Variants in PALM2AKAP2 observed in about 807,000 individuals in gnomAD.
PALM2AKAP2 encodes PALM2-AKAP2 fusion protein.
In PALM2AKAP2, 37 loss-of-function variants were observed where a neutral mutation model predicts 71.5. The observed-to-expected ratio is 0.52, with a 90% CI of 0.40 to 0.68. PALM2AKAP2 has a LOEUF of 0.68. Among genes scored for constraint, PALM2AKAP2 ranks in the 30% least tolerant of loss-of-function variants. The pLI, the probability that PALM2AKAP2 is intolerant of heterozygous loss-of-function variation, is 0.00. For synonymous variants in PALM2AKAP2, 468 were observed against 478.8 expected (o/e 0.98, Z 0.29); for missense variants, 1,224 against 1,191.8 (o/e 1.03, Z -0.40).
intron 1 of PALM2AKAP2, among the ~76,000 whole-genome samples, chr9:110,087,887 G>A (rs1834610045): frequency 1.3e-5 from 2 of 152,142 alleles, no homozygotes; most frequent in South Asian, 4.1e-4. Context: ...GTGCTGAGAA[G>A]GGAAGAAAGG....
chr9:109,933,048 A>C (rs1239082545), intron 6 of PALM2AKAP2, among the ~76,000 whole-genome samples: 1 of 152,234 alleles, frequency 6.6e-6, no homozygotes, highest in Non-Finnish European at 1.5e-5. Context: ...CCACTGGCTA[A>C]TTTAAATATC....
chr9:110,038,481 A>G (rs1833452330), intron 7 of PALM2AKAP2, among the ~76,000 whole-genome samples: 2 of 152,166 alleles, frequency 1.3e-5, no homozygotes, highest in Admixed American at 1.3e-4. Context: ...GTGAAAGATC[A>G]GGTCGGGTGA....
At chr9:109,971,647 A>G (rs1403428609) in intron 6 of PALM2AKAP2, among the ~76,000 whole-genome samples, 1 of 152,124 alleles carries the variant, frequency 6.6e-6, no homozygotes. Flanking sequence ...GCTGATCTCG[A>G]ACTCCTTACC....
chr9:109,786,978 T>C (rs1826987200), intron 1 of PALM2AKAP2, among the ~76,000 whole-genome samples: 1 of 152,158 alleles, frequency 6.6e-6, no homozygotes, highest in South Asian at 2.1e-4. Context: ...CTGATCCCAT[T>C]TGGGAATGTT....
Position 109,690,008 on chromosome 9 carries a change from T to A in PALM2AKAP2, c.5+49142T>A, listed in dbSNP as rs997430863. Among the ~76,000 whole-genome samples, 95 of 137,520 alleles carry A rather than the reference T, an allele frequency of 6.9e-4. 1 individual carries two copies. The highest frequency in any genetic ancestry group is 2.4e-3 in the African/African-American group (89 of 37,438). 90.2% of individuals were successfully genotyped at this position (137,520 alleles called of 152,430 possible). ...AAGAGACATCAAGAATGGGGAAGAGTTTTTTTTTTTTTTCCTCTTAAACAA... is the reference window on the plus strand; with the variant it reads ...AAGAGACATCAAGAATGGGGAAGAGATTTTTTTTTTTTTCCTCTTAAACAA... On this transcript the variant is annotated intron_variant, in intron 1 of 6. Transcript: ENST00000374531.
Position 109,751,550 on chromosome 9 carries a change from AAT to A in PALM2AKAP2, c.6-28936_6-28935del, listed in dbSNP as rs759504364. On this transcript the variant is annotated intron_variant, in intron 1 of 6. Coordinates refer to the PALM2AKAP2 transcript ENST00000374531. ...ACTCCTAAAAGTCATATGTACACAT[AAT>A]AGTAAATCGTTTCTGAGACCTCATG... 1.6e-3 allele frequency among the ~76,000 whole-genome samples: 242 copies of A among 152,176 alleles called. 1 individual carries two copies. The highest frequency in any genetic ancestry group is 2.8e-3 in the Non-Finnish European group (189 of 68,018).
intron 6 of PALM2AKAP2, among the ~76,000 whole-genome samples, chr9:109,950,380 A>G (rs1003355868): frequency 3.3e-5 from 5 of 152,182 alleles, no homozygotes; most frequent in African/African-American, 9.7e-5. Context: ...AGATACAGGA[A>G]AAGATTGTCT....
At chr9:109,779,934 C>G (rs1225934068), upstream of PALM2AKAP2, among the ~76,000 whole-genome samples, 1 of 152,110 alleles carries the variant, frequency 6.6e-6, no homozygotes, top group Non-Finnish European at 1.5e-5. Flanking sequence ...CCACTGCGCT[C>G]TGCCTCCGCC....
At position 109,933,973 on chromosome 9, in the gene PALM2AKAP2, A is replaced by G. The variant is rs1458686148; in HGVS notation, c.496+1945A>G. On this transcript the variant is annotated intron_variant, in intron 6 of 9. Transcript: ENST00000302798. The stretch of plus-strand genomic sequence containing the variant: ...TCCTAGATACAGTCCATCTTGCTTT[A>G]GGAATGTCCTTTTGGAAATTTATAT... 3.3e-5 allele frequency among the ~76,000 whole-genome samples: 5 copies of G among 152,230 alleles called. No individual in the cohort carries two copies. The East Asian group carries it at 9.6e-4, about 29-fold the overall frequency.
At chr9:109,690,332 T>C (rs1827865029) in intron 1 of PALM2AKAP2, among the ~76,000 whole-genome samples, 1 of 152,248 alleles carries the variant, frequency 6.6e-6, no homozygotes, top group South Asian at 2.1e-4. Flanking sequence ...TAAATCTTTT[T>C]CTTTTTAGGA....
intron 1 of PALM2AKAP2, chr9:110,090,192 C>T (rs1210307679): frequency 3.0e-6 from 1 of 336,702 alleles, no homozygotes; most frequent in Non-Finnish European, 6.0e-6. Context: ...GGGGCAGCGT[C>T]CACCAGGTGT....
chr9:109,943,900 G>A (rs886288525), intron 6 of PALM2AKAP2: 4 of 158,922 alleles, frequency 2.5e-5, no homozygotes, highest in African/African-American at 4.8e-5. Context: ...GGCTCTAGCC[G>A]GTTGCTAGTG....
intron 1 of PALM2AKAP2, among the ~76,000 whole-genome samples, chr9:110,088,703 GTTTTTTTTTTTTTTTTTTTT>G (rs71373964): frequency 1.3e-5 from 1 of 75,574 alleles, no homozygotes; most frequent in East Asian, 6.7e-4. Context: ...GCATTTACGT[GTTTTTTTTTTTTTTTTTTTT>G]TTTTTTTTTT....
intron 6 of PALM2AKAP2, among the ~76,000 whole-genome samples, chr9:109,983,702 T>G (rs932460123): frequency 3.3e-5 from 5 of 151,652 alleles, no homozygotes; most frequent in Non-Finnish European, 7.4e-5. Context: ...CCATCTCTAC[T>G]AAAAATACCA....
At chr9:109,657,410 G>A (rs1280852946) in intron 1 of PALM2AKAP2, among the ~76,000 whole-genome samples, 1 of 151,470 alleles carries the variant, frequency 6.6e-6, no homozygotes, top group African/African-American at 2.4e-5. Context: ...GTTGTTTAGT[G>A]TGGTGGCTTT....
chr9:109,896,971 T>G lies in PALM2AKAP2; in HGVS notation c.257+16290T>G, dbSNP rs75897186. Among the ~76,000 whole-genome samples, 698 of 151,380 alleles carry G rather than the reference T, an allele frequency of 4.6e-3. 7 individuals are homozygous for G. The highest frequency in any genetic ancestry group is 0.016 in the African/African-American group (669 of 41,226). ...GCTTCATCCAGTAATTAGTTTCAAG[T>G]TTTTTTTTGCCTCTTTTTAGATATG... On this transcript the variant is annotated intron_variant, in intron 3 of 9. Coordinates refer to the PALM2AKAP2 transcript ENST00000302798.
intron 2 of PALM2AKAP2, 144 bp downstream of exon 2, chr9:109,867,715 C>A: frequency 1.1e-6 from 1 of 950,432 alleles, no homozygotes; most frequent in Non-Finnish European, 1.5e-6. Context: ...CATCTCTTGG[C>A]TTTTCTTGTG....
chr9:109,992,124 G>A (rs190657567), intron 6 of PALM2AKAP2, among the ~76,000 whole-genome samples: 1 of 152,232 alleles, frequency 6.6e-6, no homozygotes, highest in Non-Finnish European at 1.5e-5. Context: ...CAAGGTGTTG[G>A]TAGGGCTATA....
At chr9:110,108,314 T>C (rs1835165934) in intron 1 of PALM2AKAP2, among the ~76,000 whole-genome samples, 1 of 152,072 alleles carries the variant, frequency 6.6e-6, no homozygotes, top group Non-Finnish European at 1.5e-5. Context: ...GTTTTCACCA[T>C]GTTGGCCAGG....
Sources: allele counts gnomAD v4.1 joint callset (sites outside exome capture counted in the v4.1 genomes callset), GRCh38; gene constraint gnomAD v4.1.1; transcripts MANE v1.5; gene names NCBI Gene and HGNC (gene_info 2026-07-23, HGNC 2026-07-21).